The following GCH1 variants were observed in gnomAD, a reference collection of about 807,000 sequenced individuals.
The protein encoded by GCH1 is GTP cyclohydrolase 1, also known as GTP cyclohydrolase I.
A neutral mutation model predicts 25.9 loss-of-function variants in GCH1; 5 were observed. The observed-to-expected ratio is 0.19, with a 90% CI of 0.10 to 0.41. The LOEUF is 0.41. GCH1 is among the 10% of genes least tolerant of loss of function. The probability of loss-of-function intolerance (pLI) is 1.00; values close to 1 mark genes in which losing one functional copy is unlikely to be tolerated. For missense variants in GCH1, 261 were observed against 336.5 expected (o/e 0.78, Z 1.75); for synonymous variants, 159 against 129.6 (o/e 1.23, Z -1.54).
rs748132792 is a variant in GCH1 at position 54,844,022 on chromosome 14, T to A, written c.748A>T (p.Ser250Cys). 1 of 1,614,164 alleles carries A rather than the reference T, an allele frequency of 6.2e-7. No individual in the cohort carries two copies. The highest frequency in any genetic ancestry group is 1.7e-5 in the Admixed American group (1 of 60,026). ...GCACACACACTGAATGAAGCTCAGC[T>A]CCTAATGAGAGTCAGGAACTCTTCC... ...TREEFLTLIRS is the reference protein window; with the variant it reads ...TREEFLTLIRC The change falls in exon 6 of 6, where the codon AGC becomes TGC. Residue 250 changes from serine (S) to cysteine (C), a missense_variant. Ser to Cys is a moderately radical substitution (Grantham distance 112). Around this residue, in one of 3 missense-constraint regions of GCH1, gnomAD observed 130 missense variants for 184.1 expected, o/e 0.71. Coordinates refer to ENST00000491895, the MANE Select transcript of GCH1 (RefSeq NM_000161.3).
intron 1 of GCH1, among the ~76,000 whole-genome samples, chr14:54,887,200 C>T (rs1162471204): frequency 3.3e-5 from 5 of 152,228 alleles, no homozygotes; most frequent in African/African-American, 7.2e-5. Context: ...AAAGGAACTT[C>T]TCTAGAGAAG....
At chr14:54,897,769 T>C (rs770358566) in intron 1 of GCH1, among the ~76,000 whole-genome samples, 8 of 152,176 alleles carry the variant, frequency 5.3e-5, no homozygotes, top group African/African-American at 9.7e-5. Flanking sequence ...TCAGTTGCCT[T>C]GTCATGGGGA....
rs577605605 is a variant in GCH1, at chr14:54,873,767, C to T, written c.344-8331G>A. Among the ~76,000 whole-genome samples, 15 of 152,266 alleles carry T rather than the reference C, an allele frequency of 9.9e-5. No homozygotes were observed. In the South Asian group the frequency reaches 3.1e-3, roughly 32 times the overall value. On this transcript the variant is annotated intron_variant, in intron 1 of 5. Coordinates refer to ENST00000491895, the MANE Select transcript of GCH1 (RefSeq NM_000161.3). ...TAGAAGACATGGATAAATTCCTGGA[C>T]ACACACACCCTCCCAAGACTAAACG...
At chr14:54,859,629 G>A (rs1041218339) in intron 3 of GCH1, 52 bp downstream of exon 3, 5 of 953,306 alleles carry the variant, frequency 5.2e-6, no homozygotes, top group Middle Eastern at 2.1e-4. Flanking sequence ...CTCAGCAGAT[G>A]AGGGCAGGTC....
At chr14:54,861,721 CAAA>C (rs67311353) in intron 2 of GCH1, among the ~76,000 whole-genome samples, 117 of 133,470 alleles carry the variant, frequency 8.8e-4, no homozygotes, top group Non-Finnish European at 9.7e-4. Context: ...GAAACTGTCT[CAAA>C]AAAAAAAAAA....
intron 1 of GCH1, among the ~76,000 whole-genome samples, chr14:54,868,845 C>G (rs1453081813): frequency 6.6e-6 from 1 of 152,020 alleles, no homozygotes; most frequent in Admixed American, 6.5e-5. Context: ...CGTGATCCAC[C>G]CGCCTCAGCC....
At chr14:54,885,029 G>A in intron 1 of GCH1, 1 of 271,952 alleles carries the variant, frequency 3.7e-6, no homozygotes, top group South Asian at 4.5e-5. Flanking sequence ...GCATGATCTG[G>A]TGCTGTTCCG....
At position 54,893,547 on chromosome 14, in the gene GCH1, C is replaced by T. The variant is rs114694951; in HGVS notation, c.343+8774G>A. On this transcript the variant is annotated intron_variant, in intron 1 of 5. Coordinates refer to ENST00000491895, the MANE Select transcript of GCH1 (RefSeq NM_000161.3). ...GAAGGGAGAAATCATTCAAATAAAT[C>T]AGTAAAATATTATTATTAAAATTAA... is the stretch of plus-strand genomic sequence containing the variant. 9.4e-3 allele frequency among the ~76,000 whole-genome samples: 1,433 copies of T among 152,244 alleles called. 28 individuals are homozygous for T. Among genetic ancestry groups the T allele is most frequent in the African/African-American group, 0.032 (1,347 of 41,534 alleles).
At chr14:54,883,437 TG>T (rs916644700) in intron 1 of GCH1, among the ~76,000 whole-genome samples, 5 of 147,378 alleles carry the variant, frequency 3.4e-5, no homozygotes, top group African/African-American at 1.3e-4. Flanking sequence ...CCCAGCACTT[TG>T]GGAGGCCGAG....
chr14:54,886,055 T>C (rs1429534637), intron 1 of GCH1: 1 of 209,466 alleles, frequency 4.8e-6, no homozygotes, highest in South Asian at 7.1e-5. Context: ...TTGTCTCCAG[T>C]GGCAGTGTAC....
chr14:54,858,920 C>T (rs1445410959), intron 3 of GCH1, among the ~76,000 whole-genome samples: 2 of 152,148 alleles, frequency 1.3e-5, no homozygotes, highest in Non-Finnish European at 2.9e-5. Context: ...TCTCCTAAAA[C>T]CCAAATAAAA....
chr14:54,849,024 G>T (rs1188726423), intron 3 of GCH1, among the ~76,000 whole-genome samples: 1 of 152,170 alleles, frequency 6.6e-6, no homozygotes, highest in Non-Finnish European at 1.5e-5. Flanking sequence ...AGAACTTCAG[G>T]TGCCACATTG....
At chr14:54,882,546 C>T (rs2040286106) in intron 1 of GCH1, among the ~76,000 whole-genome samples, 1 of 152,188 alleles carries the variant, frequency 6.6e-6, no homozygotes, top group Admixed American at 6.5e-5. Context: ...CACACACACA[C>T]TTGCCAAATT....
intron 1 of GCH1, among the ~76,000 whole-genome samples, chr14:54,896,758 CAAAAAA>C (rs1169181684): frequency 7.2e-6 from 1 of 139,662 alleles, no homozygotes; most frequent in Non-Finnish European, 1.6e-5. Flanking sequence ...TAAAAAAATA[CAAAAAA>C]AAAAAATTAG....
At chr14:54,878,979 C>T (rs1011701073) in intron 1 of GCH1, among the ~76,000 whole-genome samples, 8 of 152,114 alleles carry the variant, frequency 5.3e-5, no homozygotes, top group Non-Finnish European at 8.8e-5. Context: ...CCAGGCTGAT[C>T]TTGAACTCCT....
chr14:54,852,519 C>T (rs964363724), intron 3 of GCH1, among the ~76,000 whole-genome samples: 2 of 152,146 alleles, frequency 1.3e-5, no homozygotes, highest in African/African-American at 2.4e-5. Context: ...AATCACCTAA[C>T]GTGTGCATCT....
At chr14:54,885,175 A>C in intron 1 of GCH1, 1 of 227,660 alleles carries the variant, frequency 4.4e-6, no homozygotes. Context: ...CTGAATCTGA[A>C]AGAACTCCTA....
In GCH1 at chr14:54,845,757, T is replaced by TG. The variant is rs1336266270; in HGVS notation, c.626+10dup. Reference sequence around the variant, plus strand: ...CCATTATGACGTTACTAAAGGCAGATGCAGACTTACGTTGCTTCAACCACT... The same window carrying TG: ...CCATTATGACGTTACTAAAGGCAGATGGCAGACTTACGTTGCTTCAACCACT... On this transcript the variant is annotated intron_variant, in intron 5 of 5. Coordinates refer to ENST00000491895, the MANE Select transcript of GCH1 (RefSeq NM_000161.3). The TG allele has an allele frequency of 6.8e-7, 1 of 1,467,922 alleles. No homozygotes were observed. Among genetic ancestry groups the TG allele is most frequent in the South Asian group, 1.1e-5 (1 of 88,166 alleles). The allele number at this position is 1,467,922 out of a possible 1,614,324, so 90.9% of individuals were successfully genotyped here. A position where few individuals can be genotyped will look rare whatever the true frequency, so the allele number is the denominator to read the frequency against.
intron 3 of GCH1, among the ~76,000 whole-genome samples, chr14:54,858,713 TTC>T (rs1334159221): frequency 2.6e-5 from 4 of 151,880 alleles, no homozygotes; most frequent in East Asian, 1.9e-4. Flanking sequence ...GTTCTTAACT[TTC>T]TCTCTCTCTC....
Sources: allele counts gnomAD v4.1 joint callset (sites outside exome capture counted in the v4.1 genomes callset), GRCh38; gene constraint gnomAD v4.1.1; regional missense constraint gnomAD v4.1.1; transcripts MANE v1.5; gene names NCBI Gene and HGNC (gene_info 2026-07-23, HGNC 2026-07-21).